TRAM2: variants seen among roughly 807,000 people sequenced by gnomAD.
TRAM2 encodes translocation associated membrane protein 2, also known as translocating chain-associated membrane protein 2.
Under a neutral mutation model 51.0 loss-of-function variants are expected in TRAM2, and 12 were observed. The observed-to-expected ratio is 0.24, with a 90% CI of 0.15 to 0.38. The LOEUF is 0.38. TRAM2 is among the 10% of genes least tolerant of loss of function. The pLI is 1.00. For missense variants in TRAM2, 361 were observed against 462.0 expected (o/e 0.78, Z 2.00); for synonymous variants, 175 against 179.4 (o/e 0.98, Z 0.20).
chr6:52,520,683 T>G (rs1010600174), intron 2 of TRAM2, among the ~76,000 whole-genome samples: 1 of 152,160 alleles, frequency 6.6e-6, no homozygotes, highest in Non-Finnish European at 1.5e-5. Context: ...AGGGACACAG[T>G]CCGTTTCTTG....
At chr6:52,515,467 G>A (rs1766530259) in intron 4 of TRAM2, among the ~76,000 whole-genome samples, 1 of 152,234 alleles carries the variant, frequency 6.6e-6, no homozygotes, top group Non-Finnish European at 1.5e-5. Flanking sequence ...AGGATTTGAT[G>A]AGCTGACAGA....
intron 1 of TRAM2, among the ~76,000 whole-genome samples, chr6:52,571,679 G>A (rs1011820102): frequency 2.6e-5 from 4 of 152,262 alleles, no homozygotes. Flanking sequence ...GGGAAAAGAA[G>A]TTCTGGGGTA....
chr6:52,503,082 C>G lies in TRAM2; in HGVS notation c.*115G>C. 1.2e-6 allele frequency: 1 copy of G among 867,770 alleles called. No individual in the cohort carries two copies. The highest frequency in any genetic ancestry group is 1.9e-6 in the Non-Finnish European group (1 of 520,454). 53.8% of individuals were successfully genotyped at this position (867,770 alleles called of 1,614,324 possible). A position where few individuals can be genotyped will look rare whatever the true frequency, so the allele number is the denominator to read the frequency against. ...CCTCCCCCCATTGCAAGACAGGTTT[C>G]GGCTGTTTGAGACGGAGCATCACAG... On this transcript the variant is annotated 3_prime_UTR_variant, in exon 11 of 11. Transcript: ENST00000182527.
chr6:52,565,724 C>T (rs879577156), intron 1 of TRAM2, among the ~76,000 whole-genome samples: 3 of 152,256 alleles, frequency 2.0e-5, no homozygotes, highest in Non-Finnish European at 4.4e-5. Flanking sequence ...TCATCAGGAA[C>T]TTCCAGGTGC....
chr6:52,550,869 G>A (rs1333421226), intron 1 of TRAM2, among the ~76,000 whole-genome samples: 1 of 152,066 alleles, frequency 6.6e-6, no homozygotes, highest in Non-Finnish European at 1.5e-5. Context: ...ATGCCCAACC[G>A]AATAGGACAC....
chr6:52,527,731 C>T (rs999214113), intron 2 of TRAM2, among the ~76,000 whole-genome samples: 14 of 152,192 alleles, frequency 9.2e-5, no homozygotes, highest in Admixed American at 7.9e-4. Context: ...ATCAGAGCTA[C>T]GACAGGGAAT....
At chr6:52,504,453 C>G in intron 10 of TRAM2, 138 bp downstream of exon 10, 1 of 1,456,628 alleles carries the variant, frequency 6.9e-7, no homozygotes. Context: ...GAGCCCCAGC[C>G]CTGAGGTAAG....
In TRAM2 at chr6:52,522,578, G is replaced by A. The variant is rs991380588; in HGVS notation, c.185-5841C>T. On this transcript the variant is annotated intron_variant, in intron 2 of 10. Coordinates refer to ENST00000182527, the MANE Select transcript of TRAM2 (RefSeq NM_012288.4). Reference sequence around the variant, plus strand: ...TACCTTTCCAACACCAATACTCTATGAGCCTTCTTCCTATATAACCCTATG... The same window carrying A: ...TACCTTTCCAACACCAATACTCTATAAGCCTTCTTCCTATATAACCCTATG... Among the ~76,000 whole-genome samples the A allele has an allele frequency of 3.9e-5, 6 of 152,144 alleles. No individual in the cohort carries two copies. In the South Asian group the frequency reaches 1.0e-3, roughly 26 times the overall value.
rs113416407 is a variant in TRAM2, at chr6:52,508,464, C to T, written c.471-146G>A. 9.7e-4 allele frequency: 716 copies of T among 737,094 alleles called. 7 individuals are homozygous for T. The African/African-American group carries it at 0.011, about 11-fold the overall frequency. 45.7% of individuals were successfully genotyped at this position (737,094 alleles called of 1,614,324 possible). The stretch of plus-strand genomic sequence containing the variant: ...GCAAGGGAGTTAGGCCAGTGACCGC[C>T]GCACCCTGAGCCTGGGACCCTGGCT... On this transcript the variant is annotated intron_variant, in intron 5 of 10. Transcript: ENST00000182527.
At chr6:52,522,960 C>T (rs1331437367) in intron 2 of TRAM2, 1 of 701,234 alleles carries the variant, frequency 1.4e-6, no homozygotes, top group Admixed American at 2.0e-5. Context: ...GGTCTCTGAC[C>T]TCCTCTGCAC....
intron 5 of TRAM2, 52 bp from the exon 6 acceptor site, chr6:52,508,370 C>A (rs572826755): frequency 1.9e-6 from 3 of 1,552,760 alleles, no homozygotes; most frequent in African/African-American, 1.4e-5. Context: ...AGTGTCCCTG[C>A]AGGTGCTGGC....
At position 52,501,234 on chromosome 6, in the gene TRAM2, A is replaced by G. The variant is rs1350959247; in HGVS notation, c.*1963T>C. The stretch of plus-strand genomic sequence containing the variant: ...AACACTGTCTCACTTCCTAAGGGTA[A>G]TCAAAAGCAACCACGGGTAGCTCTT... On this transcript the variant is annotated 3_prime_UTR_variant, in exon 11 of 11. Coordinates refer to ENST00000182527, the MANE Select transcript of TRAM2 (RefSeq NM_012288.4). The G allele has an allele frequency of 6.6e-6, 1 of 152,258 alleles. No individual in the cohort carries two copies. Among genetic ancestry groups the G allele is most frequent in the Non-Finnish European group, 1.5e-5 (1 of 68,042 alleles). 9.4% of individuals were successfully genotyped at this position (152,258 alleles called of 1,614,324 possible). A position where few individuals can be genotyped will look rare whatever the true frequency, so the allele number is the denominator to read the frequency against.
intron 2 of TRAM2, 28 bp downstream of exon 2, chr6:52,535,755 G>A (rs1766968166): frequency 6.2e-7 from 1 of 1,600,014 alleles, no homozygotes. Flanking sequence ...AACAGGGCCA[G>A]GAGAAGATGG....
chr6:52,510,768 AAT>A (rs1305482317), intron 4 of TRAM2, among the ~76,000 whole-genome samples: 1 of 152,224 alleles, frequency 6.6e-6, no homozygotes, highest in Non-Finnish European at 1.5e-5. Context: ...AATTAGAATT[AAT>A]AGTGTGGTGG....
At position 52,503,039 on chromosome 6, in the gene TRAM2, A is replaced by G. The variant is rs1195000461; in HGVS notation, c.*158T>C. The G allele has an allele frequency of 2.4e-5, 16 of 679,214 alleles. No homozygotes were observed. Among genetic ancestry groups the G allele is most frequent in the Non-Finnish European group, 2.3e-5 (9 of 383,140 alleles). The allele number at this position is 679,214 out of a possible 1,614,324, so 42.1% of individuals were successfully genotyped here. On this transcript the variant is annotated 3_prime_UTR_variant, in exon 11 of 11. Transcript: ENST00000182527. ...GGAAGAATAAGAGGAAGCCAAGAAGAAGGAAAGCGAAACGCCCCCTCCCCC... is the reference window on the plus strand; with the variant it reads ...GGAAGAATAAGAGGAAGCCAAGAAGGAGGAAAGCGAAACGCCCCCTCCCCC...
At position 52,503,146 on chromosome 6, in the gene TRAM2, G is replaced by T; in HGVS notation, c.*51C>A. The T allele has an allele frequency of 6.7e-7, 1 of 1,500,656 alleles. No individual in the cohort carries two copies. The highest frequency in any genetic ancestry group is 9.3e-7 in the Non-Finnish European group (1 of 1,078,162). 93.0% of individuals were successfully genotyped at this position (1,500,656 alleles called of 1,614,324 possible). A position where few individuals can be genotyped will look rare whatever the true frequency, so the allele number is the denominator to read the frequency against. On this transcript the variant is annotated 3_prime_UTR_variant, in exon 11 of 11. Coordinates refer to ENST00000182527, the MANE Select transcript of TRAM2 (RefSeq NM_012288.4). ...GGCAGGGAGGGGGCCTGGGCTCCTT[G>T]CCCCCTGCTCGGCCCCCACCAAGAG...
At chr6:52,512,505 T>A (rs755993601) in intron 4 of TRAM2, among the ~76,000 whole-genome samples, 2 of 152,180 alleles carry the variant, frequency 1.3e-5, no homozygotes, top group Admixed American at 1.3e-4. Flanking sequence ...TGGGGCACCC[T>A]CTGAGCTCAG....
chr6:52,521,753 A>C (rs1452177172), intron 2 of TRAM2, among the ~76,000 whole-genome samples: 2 of 151,754 alleles, frequency 1.3e-5, no homozygotes, highest in Admixed American at 6.6e-5. Context: ...AAATAAAATA[A>C]AATAAAAATA....
intron 1 of TRAM2, 41 bp downstream of exon 1, chr6:52,576,755 G>C (rs373454800): frequency 3.1e-5 from 50 of 1,603,470 alleles, no homozygotes; most frequent in Non-Finnish European, 4.2e-5. Context: ...TGCACGACAG[G>C]GGGCACTGTC....
Sources: allele counts gnomAD v4.1 joint callset (sites outside exome capture counted in the v4.1 genomes callset), GRCh38; gene constraint gnomAD v4.1.1; transcripts MANE v1.5; gene names NCBI Gene and HGNC (gene_info 2026-07-23, HGNC 2026-07-21).